The following PBRM1 variants were observed in gnomAD, a reference collection of about 807,000 sequenced individuals.
PBRM1 encodes the protein protein polybromo-1.
A neutral mutation model predicts 194.5 loss-of-function variants in PBRM1; 27 were observed. The observed-to-expected ratio is 0.14, with a 90% CI of 0.10 to 0.19. The LOEUF (loss-of-function observed/expected upper bound fraction) is 0.19. Among genes scored for constraint, PBRM1 ranks in the 10% least tolerant of loss-of-function variants. PBRM1 has a pLI of 1.00. For synonymous variants in PBRM1, 655 were observed against 693.2 expected, an observed-to-expected ratio of 0.94 and a Z score of 0.87; for missense variants, 1,466 against 2,077.2, an observed-to-expected ratio of 0.71 and a Z score of 5.72.
intron 22 of PBRM1, among the ~76,000 whole-genome samples, chr3:52,569,164 T>C (rs145439359): frequency 6.6e-6 from 1 of 151,820 alleles, no homozygotes; most frequent in Non-Finnish European, 1.5e-5. Flanking sequence ...CTGGGATTGA[T>C]AACAGGAGTG....
chr3:52,584,048 G>A (rs1576131333), intron 20 of PBRM1, among the ~76,000 whole-genome samples: 1 of 152,124 alleles, frequency 6.6e-6, no homozygotes, highest in African/African-American at 2.4e-5. Flanking sequence ...CTATCAAAGG[G>A]CAAAGCTCTC....
chr3:52,571,195 C>T (rs111440814), intron 22 of PBRM1, among the ~76,000 whole-genome samples: 26 of 151,938 alleles, frequency 1.7e-4, no homozygotes, highest in Middle Eastern at 6.8e-3. Context: ...TGGTGGCACA[C>T]GCCTGTGGTC....
At chr3:52,632,466 C>T (rs977463448) in intron 11 of PBRM1, among the ~76,000 whole-genome samples, 5 of 152,084 alleles carry the variant, frequency 3.3e-5, no homozygotes, top group Non-Finnish European at 7.3e-5. Context: ...TCTGTGGTCC[C>T]AGCTACTTGG....
intron 25 of PBRM1, among the ~76,000 whole-genome samples, chr3:52,561,116 CAACAAAA>C (rs1283552593): frequency 3.0e-4 from 43 of 144,902 alleles, no homozygotes; most frequent in Non-Finnish European, 5.9e-5. Flanking sequence ...AAAAACCCAA[CAACAAAA>C]AACAAAAAAT....
intron 2 of PBRM1, among the ~76,000 whole-genome samples, chr3:52,678,049 T>G (rs2097142887): frequency 6.6e-6 from 1 of 152,058 alleles, no homozygotes; most frequent in African/African-American, 2.4e-5. Flanking sequence ...TTCAAAAAAT[T>G]TTTTGTAGAG....
chr3:52,547,767 C>T (rs757512263), downstream of PBRM1: 71 of 271,094 alleles, frequency 2.6e-4, no homozygotes, highest in Admixed American at 7.1e-4. Context: ...AGTTCCATGG[C>T]AACAAGTAAA....
At chr3:52,641,039 A>C (rs11130312) in intron 10 of PBRM1, among the ~76,000 whole-genome samples, 52,030 of 152,050 alleles carry the variant, frequency 0.34, 9,913 homozygotes, top group Admixed American at 0.46. Context: ...AAAAATACTT[A>C]ATTCTGTAGA....
At chr3:52,573,293 T>TC (rs920078036) in intron 22 of PBRM1, among the ~76,000 whole-genome samples, 2 of 151,844 alleles carry the variant, frequency 1.3e-5, no homozygotes, top group African/African-American at 4.8e-5. Context: ...TTTCTTTCTT[T>TC]TTTTTTTTTG....
chr3:52,644,109 CTGTG>C (rs1041384534), intron 8 of PBRM1, among the ~76,000 whole-genome samples: 1 of 151,438 alleles, frequency 6.6e-6, no homozygotes, highest in African/African-American at 2.4e-5. Context: ...ATTATCTATT[CTGTG>C]TAATATTAAT....
At chr3:52,598,077 T>C (rs12107484) in intron 17 of PBRM1, among the ~76,000 whole-genome samples, 11,172 of 152,268 alleles carry the variant, frequency 0.073, 977 homozygotes, top group African/African-American at 0.21. Context: ...TATTCTAATA[T>C]TTCTCTGAAT....
intron 10 of PBRM1, among the ~76,000 whole-genome samples, chr3:52,637,512 G>A (rs1006126280): frequency 2.0e-5 from 3 of 151,880 alleles, no homozygotes; most frequent in Non-Finnish European, 4.4e-5. Context: ...ATGTGCCTGT[G>A]GTCCCAGCTA....
intron 11 of PBRM1, among the ~76,000 whole-genome samples, chr3:52,634,238 A>G (rs538340256): frequency 4.5e-4 from 68 of 152,238 alleles, no homozygotes; most frequent in Non-Finnish European, 7.4e-4. Flanking sequence ...GGAGATCGAG[A>G]CCATCCTGGC....
rs755625970 is a variant in PBRM1, at chr3:52,674,308, C to G, written c.236+4192G>C. ...ACCAGCCTGACCAACATAGAGAAAC[C>G]CTGTCTCTACTAAAAATACAAAATT... On this transcript the variant is annotated intron_variant, in intron 2 of 29. Coordinates refer to ENST00000296302, the Ensembl canonical transcript of PBRM1. Among the ~76,000 whole-genome samples, 279 of 151,250 alleles carry G rather than the reference C, an allele frequency of 1.8e-3. 1 individual carries two copies. Among genetic ancestry groups the G allele is most frequent in the Non-Finnish European group, 3.1e-3 (212 of 67,802 alleles).
intron 22 of PBRM1, among the ~76,000 whole-genome samples, chr3:52,568,110 C>G (rs567020264): frequency 6.6e-6 from 1 of 152,152 alleles, no homozygotes; most frequent in East Asian, 1.9e-4. Context: ...TCCCAGGTAG[C>G]TAGGACTATA....
chr3:52,684,190 A>AT (rs2097268175), upstream of PBRM1, among the ~76,000 whole-genome samples: 1 of 150,388 alleles, frequency 6.6e-6, no homozygotes, highest in Non-Finnish European at 1.5e-5. Flanking sequence ...AAAAAAAAAA[A>AT]AAAAATGCCT....
chr3:52,672,097 C>T (rs2096961269), intron 2 of PBRM1, among the ~76,000 whole-genome samples: 1 of 152,158 alleles, frequency 6.6e-6, no homozygotes, highest in East Asian at 1.9e-4. Context: ...GGCTGCATGC[C>T]GTCTGGATGT....
At chr3:52,580,077 A>G (rs925582019) in intron 20 of PBRM1, among the ~76,000 whole-genome samples, 1 of 152,112 alleles carries the variant, frequency 6.6e-6, no homozygotes, top group Non-Finnish European at 1.5e-5. Context: ...CTCATTTCCA[A>G]AAAAATTTAA....
At chr3:52,665,543 G>A (rs556924396) in intron 3 of PBRM1, among the ~76,000 whole-genome samples, 4 of 152,270 alleles carry the variant, frequency 2.6e-5, no homozygotes, top group East Asian at 1.9e-4. Flanking sequence ...GAACTGGGCC[G>A]CACAGCAGGA....
At chr3:52,562,053 G>T in intron 24 of PBRM1, 85 bp from the exon 27 acceptor site, 1 of 1,010,410 alleles carries the variant, frequency 9.9e-7, no homozygotes. Context: ...CGGGCGCGGT[G>T]GCTCACACCT....
Sources: gnomAD v4.1 joint callset for allele counts (sites outside exome capture counted in the v4.1 genomes callset) on GRCh38, gnomAD v4.1.1 for gene constraint, MANE v1.5 for transcripts, NCBI Gene and HGNC (gene_info 2026-07-23, HGNC 2026-07-21) for gene names.